ATRNL1: variants seen among roughly 807,000 people sequenced by gnomAD.
ATRNL1 encodes the protein attractin like 1, also known as attractin-like protein 1.
Under a neutral mutation model 182.7 loss-of-function variants are expected in ATRNL1, and 95 were observed. The observed-to-expected ratio is 0.52, with a 90% CI of 0.44 to 0.62. The LOEUF (loss-of-function observed/expected upper bound fraction) is 0.62, where lower values mean the gene tolerates loss of function less well. Among genes scored for constraint, ATRNL1 ranks in the 20% least tolerant of loss-of-function variants. ATRNL1 has a pLI of 0.00. For missense variants in ATRNL1, 1,471 were observed against 1,679.5 expected (o/e 0.88, Z 2.17); for synonymous variants, 576 against 568.3 (o/e 1.01, Z -0.19).
At position 115,690,149 on chromosome 10, in the gene ATRNL1, C is replaced by G. The variant is rs78635900; in HGVS notation, c.3796-37099C>G. Reference sequence around the variant, plus strand: ...CCTCTGAAAAGCATGTGCTTTGTTTCCTTTGTCCCACGGATGGTGCGCTGT... The same window carrying G: ...CCTCTGAAAAGCATGTGCTTTGTTTGCTTTGTCCCACGGATGGTGCGCTGT... On this transcript the variant is annotated intron_variant, in intron 26 of 28. Coordinates refer to ENST00000355044, the MANE Select transcript of ATRNL1 (RefSeq NM_207303.4). Among the ~76,000 whole-genome samples, 976 of 152,216 alleles carry G rather than the reference C, an allele frequency of 6.4e-3. 11 individuals carry two copies. The highest frequency in any genetic ancestry group is 0.022 in the African/African-American group (932 of 41,534).
chr10:115,259,797 C>G (rs1851320375), intron 10 of ATRNL1, among the ~76,000 whole-genome samples: 1 of 152,084 alleles, frequency 6.6e-6, no homozygotes, highest in South Asian at 2.1e-4. Context: ...CCCAGGCTGA[C>G]AGAAGACATA....
chr10:115,733,250 C>G (rs1224885546), intron 27 of ATRNL1, among the ~76,000 whole-genome samples: 4 of 152,092 alleles, frequency 2.6e-5, no homozygotes, highest in Non-Finnish European at 5.9e-5. Flanking sequence ...TATATTTTAA[C>G]TACTTTATAC....
chr10:115,266,974 T>G lies in ATRNL1; in HGVS notation c.1950T>G (p.Asn650Lys). The G allele has an allele frequency of 6.2e-6, 10 of 1,611,408 alleles. No homozygotes were observed. Among genetic ancestry groups the G allele is most frequent in the Non-Finnish European group, 7.6e-6 (9 of 1,178,446 alleles). The stretch of plus-strand genomic sequence containing the variant: ...CTTGGGAATCTGGGAATACTAATAA[T>G]ATTCTTAGAGCAAAGTGCCCTCCTA... ...CESWESGNTN[N>K]ILRAKCPPKT... Residue 650 changes from asparagine to lysine, a missense_variant, in exon 12 of 29, where the codon AAT (asparagine) becomes AAG (lysine). Transcript: ENST00000355044.
chr10:115,917,245 T>C (rs1952888426), intron 28 of ATRNL1, among the ~76,000 whole-genome samples: 1 of 151,732 alleles, frequency 6.6e-6, no homozygotes, highest in African/African-American at 2.4e-5. Context: ...CTGAGGTGGA[T>C]CACGAGGTCA....
chr10:115,693,448 G>A (rs1180380348), intron 26 of ATRNL1, among the ~76,000 whole-genome samples: 1 of 151,972 alleles, frequency 6.6e-6, no homozygotes, highest in East Asian at 1.9e-4. Flanking sequence ...CTTTTTGTTA[G>A]CTTCAGTACC....
At chr10:115,239,931 G>A (rs557383586) in intron 9 of ATRNL1, among the ~76,000 whole-genome samples, 1 of 152,214 alleles carries the variant, frequency 6.6e-6, no homozygotes, top group South Asian at 2.1e-4. Flanking sequence ...GTGAGATATC[G>A]CTGGCCTGGA....
intron 27 of ATRNL1, among the ~76,000 whole-genome samples, chr10:115,768,241 G>A (rs1262174062): frequency 2.6e-5 from 4 of 152,064 alleles, no homozygotes; most frequent in Admixed American, 6.6e-5. Context: ...ATTATGAGAA[G>A]TAGAGCTAAT....
intron 28 of ATRNL1, among the ~76,000 whole-genome samples, chr10:115,872,912 G>T (rs1951617564): frequency 6.6e-6 from 1 of 152,170 alleles, no homozygotes; most frequent in Non-Finnish European, 1.5e-5. Flanking sequence ...CAGGTTTTCT[G>T]GGAATCTTCA....
At chr10:115,685,456 T>A (rs1022187694) in intron 26 of ATRNL1, among the ~76,000 whole-genome samples, 1 of 151,834 alleles carries the variant, frequency 6.6e-6, no homozygotes, top group African/African-American at 2.4e-5. Context: ...ACAGAGCAGT[T>A]CTGGCATATA....
At chr10:115,397,407 T>C (rs1296358851) in intron 20 of ATRNL1, among the ~76,000 whole-genome samples, 10 of 152,026 alleles carry the variant, frequency 6.6e-5, no homozygotes, top group African/African-American at 2.4e-4. Context: ...ATAACCATCC[T>C]AAACTGAAAT....
chr10:115,311,464 GGCGTGA>G (rs1854021672), intron 17 of ATRNL1, among the ~76,000 whole-genome samples: 5 of 152,150 alleles, frequency 3.3e-5, no homozygotes, highest in Admixed American at 3.3e-4. Flanking sequence ...TGGGATTACA[GGCGTGA>G]GCCACTGCGC....
At chr10:115,235,027 T>C (rs1564840666) in intron 9 of ATRNL1, among the ~76,000 whole-genome samples, 1 of 152,290 alleles carries the variant, frequency 6.6e-6, no homozygotes, top group East Asian at 1.9e-4. Flanking sequence ...TCCAGGAGCA[T>C]GCAAACATTT....
intron 19 of ATRNL1, among the ~76,000 whole-genome samples, chr10:115,340,754 G>A (rs1406655168): frequency 2.0e-5 from 3 of 151,326 alleles, no homozygotes; most frequent in East Asian, 1.9e-4. Context: ...GTTCAATCTC[G>A]GTAGGTTGTA....
chr10:115,403,646 G>A (rs551875530), intron 20 of ATRNL1, among the ~76,000 whole-genome samples: 32 of 152,144 alleles, frequency 2.1e-4, no homozygotes, highest in African/African-American at 7.5e-4. Context: ...TGAGAGATGG[G>A]GTTTCATGTT....
chr10:115,374,949 T>C (rs781860927), intron 19 of ATRNL1, among the ~76,000 whole-genome samples: 3 of 151,920 alleles, frequency 2.0e-5, no homozygotes, highest in Non-Finnish European at 4.4e-5. Context: ...ATGCTGTTGT[T>C]GTTGAATGGA....
In ATRNL1 at chr10:115,696,882, AGAGAGAGAGAGAGAGAGC is replaced by A. The variant is rs1451148429; in HGVS notation, c.3796-30362_3796-30345del. On this transcript the variant is annotated intron_variant, in intron 26 of 28. Transcript: ENST00000355044. ...TCACATATCAGAGCGAGAGAGAGAG[AGAGAGAGAGAGAGAGAGC>A]GAGCGAGCTAGGGGGGAAATGCCAC... 7.3e-5 allele frequency among the ~76,000 whole-genome samples: 11 copies of A among 150,492 alleles called. No individual in the cohort carries two copies. The East Asian group carries it at 1.9e-3, about 27-fold the overall frequency.
chr10:115,433,986 G>A (rs1398894794), intron 21 of ATRNL1, among the ~76,000 whole-genome samples: 1 of 152,100 alleles, frequency 6.6e-6, no homozygotes, highest in Non-Finnish European at 1.5e-5. Flanking sequence ...CTGATATGCT[G>A]TACTTACCTT....
chr10:115,677,978 T>C (rs1345262031), intron 26 of ATRNL1, among the ~76,000 whole-genome samples: 3 of 152,060 alleles, frequency 2.0e-5, no homozygotes, highest in Non-Finnish European at 4.4e-5. Context: ...TATCTACTTA[T>C]TTAGTCTATG....
At chr10:115,624,068 TA>T (rs1303679993) in intron 26 of ATRNL1, among the ~76,000 whole-genome samples, 1 of 152,104 alleles carries the variant, frequency 6.6e-6, no homozygotes, top group East Asian at 1.9e-4. Context: ...CATAAAATAT[TA>T]TTTTTCTATA....
Sources: gnomAD v4.1 joint callset for allele counts (sites outside exome capture counted in the v4.1 genomes callset) on GRCh38, gnomAD v4.1.1 for gene constraint, MANE v1.5 for transcripts, NCBI Gene and HGNC (gene_info 2026-07-23, HGNC 2026-07-21) for gene names.